Variants in SPMIP2 observed in about 807,000 individuals in gnomAD.
SPMIP2 encodes protein SPMIP2.
chr4:159,025,755 C>G, the SPMIP2 span, among the ~76,000 whole-genome samples: 31 of 152,246 alleles, frequency 2.0e-4, no homozygotes, highest in East Asian at 5.8e-3. Flanking sequence ...CAGGTGCTTT[C>G]ATTTCATTAA....
At chr4:158,903,068 C>T in the SPMIP2 span, among the ~76,000 whole-genome samples, 1 of 152,292 alleles carries the variant, frequency 6.6e-6, no homozygotes, top group African/African-American at 2.4e-5. Context: ...CAGTGTCTGC[C>T]CAAATGGCCG....
chr4:158,903,476 G>C, the SPMIP2 span, among the ~76,000 whole-genome samples: 2 of 152,154 alleles, frequency 1.3e-5, no homozygotes, highest in African/African-American at 4.8e-5. Flanking sequence ...TACATTTCAA[G>C]GGCTTTACCC....
At chr4:158,929,183 T>TA in the SPMIP2 span, among the ~76,000 whole-genome samples, 4 of 152,246 alleles carry the variant, frequency 2.6e-5, no homozygotes, top group South Asian at 4.2e-4. Flanking sequence ...CGTGGTTACT[T>TA]AAAAAAATTC....
the SPMIP2 span, among the ~76,000 whole-genome samples, chr4:158,962,974 G>A: frequency 6.6e-6 from 1 of 152,140 alleles, no homozygotes; most frequent in Non-Finnish European, 1.5e-5. Flanking sequence ...TTTAACTATA[G>A]TTTTTAAATA....
chr4:159,002,069 G>T, the SPMIP2 span, among the ~76,000 whole-genome samples: 1 of 152,068 alleles, frequency 6.6e-6, no homozygotes, highest in Non-Finnish European at 1.5e-5. Flanking sequence ...TTTCTCTAAT[G>T]ATCAGTGATA....
chr4:158,979,754 TG>T, the SPMIP2 span, among the ~76,000 whole-genome samples: 1 of 147,066 alleles, frequency 6.8e-6, no homozygotes, highest in Non-Finnish European at 1.5e-5. Flanking sequence ...CAAAACTGGG[TG>T]GCTGTTTGGG....
At chr4:159,007,141 C>T in the SPMIP2 span, 6 of 712,028 alleles carry the variant, frequency 8.4e-6, no homozygotes, top group South Asian at 2.7e-5. Context: ...GTGTGGGGTG[C>T]GCCTGAGACG....
At chr4:158,900,389 A>G in the SPMIP2 span, among the ~76,000 whole-genome samples, 6 of 152,258 alleles carry the variant, frequency 3.9e-5, no homozygotes, top group African/African-American at 1.4e-4. Flanking sequence ...CAAGTCCTGA[A>G]TACCCTGTTA....
chr4:158,895,090 A>G, the SPMIP2 span, among the ~76,000 whole-genome samples: 1 of 152,194 alleles, frequency 6.6e-6, no homozygotes, highest in South Asian at 2.1e-4. Context: ...GATGGTTGCT[A>G]TTCTCTAAAA....
chr4:158,906,096 G>A, the SPMIP2 span: 3 of 152,126 alleles, frequency 2.0e-5, no homozygotes, highest in African/African-American at 4.8e-5. Flanking sequence ...ATCATTTTAT[G>A]TCATTCATTG....
the SPMIP2 span, among the ~76,000 whole-genome samples, chr4:159,061,108 T>TAC: frequency 6.9e-6 from 1 of 145,018 alleles, no homozygotes; most frequent in Non-Finnish European, 1.5e-5. Flanking sequence ...TATATATATA[T>TAC]ACATATATAT....
chr4:158,937,861 T>A, the SPMIP2 span, among the ~76,000 whole-genome samples: 1 of 152,224 alleles, frequency 6.6e-6, no homozygotes, highest in South Asian at 2.1e-4. Context: ...AAGAGGTTAT[T>A]TGATGACAAT....
chr4:159,041,209 C>T, the SPMIP2 span, among the ~76,000 whole-genome samples: 1 of 152,196 alleles, frequency 6.6e-6, no homozygotes, highest in African/African-American at 2.4e-5. Flanking sequence ...TATAGTGGTG[C>T]TATTCCCTGC....
At chr4:158,942,597 C>G in the SPMIP2 span, among the ~76,000 whole-genome samples, 11 of 152,018 alleles carry the variant, frequency 7.2e-5, no homozygotes, top group Non-Finnish European at 1.3e-4. Flanking sequence ...TGATGAAACC[C>G]CATCTCTACT....
the SPMIP2 span, among the ~76,000 whole-genome samples, chr4:159,039,113 GA>G: frequency 6.6e-6 from 1 of 152,058 alleles, no homozygotes; most frequent in Non-Finnish European, 1.5e-5. Flanking sequence ...CAGAGTAACT[GA>G]GACTACAGGA....
the SPMIP2 span, among the ~76,000 whole-genome samples, chr4:158,946,284 T>C: frequency 6.6e-6 from 1 of 152,232 alleles, no homozygotes; most frequent in Admixed American, 6.5e-5. Context: ...CAGTAGCTTT[T>C]CAAAGACCAA....
chr4:158,977,359 G>T, the SPMIP2 span, among the ~76,000 whole-genome samples: 286 of 152,192 alleles, frequency 1.9e-3, 1 homozygote, highest in South Asian at 3.1e-3. Flanking sequence ...CATTTCTTCT[G>T]GATTTTCTAC....
the SPMIP2 span, among the ~76,000 whole-genome samples, chr4:159,055,544 C>CA: frequency 6.0e-5 from 9 of 151,246 alleles, no homozygotes; most frequent in South Asian, 6.3e-4. Flanking sequence ...CGCATCTCTC[C>CA]AAAAAAAATA....
the SPMIP2 span, among the ~76,000 whole-genome samples, chr4:159,061,094 AAT>A: frequency 3.6e-3 from 521 of 143,782 alleles, 6 homozygotes; most frequent in African/African-American, 0.013. Flanking sequence ...CAAAAAAAAA[AAT>A]ATATATATAT....
Sources: gnomAD v4.1 joint callset for allele counts (sites outside exome capture counted in the v4.1 genomes callset) on GRCh38, gnomAD v4.1.1 for gene constraint, MANE v1.5 for transcripts, NCBI Gene and HGNC (gene_info 2026-07-23, HGNC 2026-07-21) for gene names.